Variants in MORF4L2 observed in about 807,000 individuals in gnomAD.
MORF4L2 encodes mortality factor 4 like 2, also known as mortality factor 4-like protein 2.
MORF4L2 carries 1 observed loss-of-function variant against 12.0 expected under a neutral mutation model. That is an observed-to-expected ratio of 0.08 (90% CI 0.03 to 0.40). MORF4L2 has a LOEUF of 0.40. MORF4L2 is among the 10% of genes least tolerant of loss of function. The pLI, the probability that MORF4L2 is intolerant of heterozygous loss-of-function variation, is 0.98. For synonymous variants in MORF4L2, 69 were observed against 81.6 expected (o/e 0.85, Z 0.83); for missense variants, 123 against 214.0 (o/e 0.57, Z 2.65).
rs868754778 is a variant in MORF4L2 at position 103,676,040 on chromosome X, C to G, written c.*121G>C. Reference sequence around the variant, plus strand: ...TGTTTAAAACAGAACGGAAAACAAACTGAAACATAAGCCCTGTTATACATT... The same window carrying G: ...TGTTTAAAACAGAACGGAAAACAAAGTGAAACATAAGCCCTGTTATACATT... On this transcript the variant is annotated 3_prime_UTR_variant, in exon 4 of 4. Coordinates refer to ENST00000441076, the MANE Select transcript of MORF4L2 (RefSeq NM_012286.3). 7.9e-6 allele frequency: 6 copies of G among 761,597 alleles called. No homozygotes were observed. The African/African-American group carries it at 1.1e-4, about 14-fold the overall frequency. 62.8% of individuals were successfully genotyped at this position (761,597 alleles called of 1,213,427 possible). A position where few individuals can be genotyped will look rare whatever the true frequency, so the allele number is the denominator to read the frequency against.
intron 2 of MORF4L2, among the ~76,000 whole-genome samples, chrX:103,684,494 T>C (rs1276552434): frequency 2.7e-5 from 3 of 112,226 alleles, no homozygotes; most frequent in Non-Finnish European, 5.6e-5. Context: ...CGGAATTCAG[T>C]TCTAGTGGTA....
In MORF4L2 at chrX:103,676,029, C is replaced by T. The variant is rs1359624387; in HGVS notation, c.*132G>A. 12 of 709,703 alleles carry T rather than the reference C, an allele frequency of 1.7e-5. No homozygotes were observed. The highest frequency in any genetic ancestry group is 1.1e-4 in the Admixed American group (3 of 28,120). 58.5% of individuals were successfully genotyped at this position (709,703 alleles called of 1,213,427 possible). ...CTTTTATTTTCTGTTTAAAACAGAA[C>T]GGAAAACAAACTGAAACATAAGCCC... On this transcript the variant is annotated 3_prime_UTR_variant, in exon 4 of 4. Transcript: ENST00000441076.
chrX:103,686,120 G>GCC (rs2074098113), intron 1 of MORF4L2, among the ~76,000 whole-genome samples: 1 of 67,938 alleles, frequency 1.5e-5, no homozygotes, highest in Admixed American at 2.2e-4. Flanking sequence ...TTTCTTTCTT[G>GCC]CACTCCCCCC....
chrX:103,675,533 T>C lies in MORF4L2; in HGVS notation c.*628A>G. The stretch of plus-strand genomic sequence containing the variant: ...ATTTAGAAACAAATTTTATTTAAGA[T>C]CTGAAATACAATTCCTAAAATATCA... On this transcript the variant is annotated 3_prime_UTR_variant, in exon 4 of 4. Transcript: ENST00000441076. 1 of 113,069 alleles carries C rather than the reference T, an allele frequency of 8.8e-6. No individual in the cohort carries two copies. Among genetic ancestry groups the C allele is most frequent in the East Asian group, 2.8e-4 (1 of 3,602 alleles). The allele number at this position is 113,069 out of a possible 1,213,427, so 9.3% of individuals were successfully genotyped here. A position where few individuals can be genotyped will look rare whatever the true frequency, so the allele number is the denominator to read the frequency against.
At position 103,676,023 on chromosome X, in the gene MORF4L2, A is replaced by G; in HGVS notation, c.*138T>C. ...ACACTCCTTTTATTTTCTGTTTAAA[A>G]CAGAACGGAAAACAAACTGAAACAT... On this transcript the variant is annotated 3_prime_UTR_variant, in exon 4 of 4. Transcript: ENST00000441076. The G allele has an allele frequency of 1.5e-6, 1 of 684,835 alleles. No homozygotes were observed. Among genetic ancestry groups the G allele is most frequent in the Non-Finnish European group, 2.2e-6 (1 of 463,664 alleles). The allele number at this position is 684,835 out of a possible 1,213,427, so 56.4% of individuals were successfully genotyped here. A position where few individuals can be genotyped will look rare whatever the true frequency, so the allele number is the denominator to read the frequency against.
At chrX:103,681,743 A>T (rs989631375) in intron 2 of MORF4L2, among the ~76,000 whole-genome samples, 5 of 111,075 alleles carry the variant, frequency 4.5e-5, no homozygotes, top group Non-Finnish European at 7.5e-5. Flanking sequence ...CATTTAAAAA[A>T]TTTTTTTTCC....
chrX:103,683,265 G>A (rs894484533), intron 2 of MORF4L2, among the ~76,000 whole-genome samples: 12 of 110,242 alleles, frequency 1.1e-4, no homozygotes, highest in Non-Finnish European at 2.3e-4. Context: ...CACCATCTTG[G>A]CCAGGCTGGT....
chrX:103,676,600 T>A lies in MORF4L2; in HGVS notation c.428A>T (p.Gln143Leu). The A allele has an allele frequency of 8.3e-7, 1 of 1,211,323 alleles. No homozygotes were observed. The highest frequency in any genetic ancestry group is 1.1e-6 in the Non-Finnish European group (1 of 895,300). ...LVEDWDLVTRQKQLFQLPAKK... is the reference protein window; with the variant it reads ...LVEDWDLVTRLKQLFQLPAKK... ...GGCAGGGAGTTGAAACAGCTGCTTC[T>A]GCCTGGTAACTAAGTCCCAGTCCTC... Residue 143 changes from glutamine to leucine, a missense_variant, in exon 4 of 4, where the codon CAG becomes CTG. Coordinates refer to ENST00000441076, the MANE Select transcript of MORF4L2 (RefSeq NM_012286.3).
At chrX:103,681,450 C>A (rs1020734106) in intron 2 of MORF4L2, among the ~76,000 whole-genome samples, 1 of 111,820 alleles carries the variant, frequency 8.9e-6, no homozygotes, top group Non-Finnish European at 1.9e-5. Context: ...AATGAGCATA[C>A]CTTAATTTAC....
intron 2 of MORF4L2, among the ~76,000 whole-genome samples, chrX:103,679,409 C>T (rs2073928068): frequency 9.4e-6 from 1 of 105,831 alleles, no homozygotes; most frequent in African/African-American, 3.5e-5. Context: ...GTCTCAGCTA[C>T]TCAGGAGACT....
chrX:103,677,578 A>G lies in MORF4L2; in HGVS notation c.-24-527T>C, dbSNP rs763474184. On this transcript the variant is annotated intron_variant, in intron 3 of 3. Transcript: ENST00000441076. ...TAACCAAAGGAGGGAGGAATCTGCA[A>G]TTTCAAGCCTGGGTAATTAATGAAC... Among the ~76,000 whole-genome samples, 3 of 112,259 alleles carry G rather than the reference A, an allele frequency of 2.7e-5. No individual in the cohort carries two copies. The South Asian group carries it at 1.1e-3, about 41-fold the overall frequency.
chrX:103,684,485 G>A (rs145335244), intron 2 of MORF4L2, among the ~76,000 whole-genome samples: 13 of 111,771 alleles, frequency 1.2e-4, no homozygotes, highest in African/African-American at 3.9e-4. Context: ...TCATAATTTC[G>A]GAATTCAGTT....
At chrX:103,684,101 T>A (rs1227998166) in intron 2 of MORF4L2, among the ~76,000 whole-genome samples, 1 of 112,229 alleles carries the variant, frequency 8.9e-6, no homozygotes, top group African/African-American at 3.2e-5. Flanking sequence ...ACACAAGCAA[T>A]GGGCCATTTG....
In MORF4L2 at chrX:103,676,415, G is replaced by A. The variant is rs2073847966; in HGVS notation, c.613C>T (p.Pro205Ser). 1 of 1,211,693 alleles carries A rather than the reference G, an allele frequency of 8.3e-7. No homozygotes were observed. ...GCCAAGAGGATTTCAGCATACTGGG[G>A]CCTCTCAAATTTGTAGAGCAGCTGA... is the stretch of plus-strand genomic sequence containing the variant. ...GTQLLYKFER[P>S]QYAEILLAHP... The change falls in exon 4 of 4, where the codon CCC becomes TCC. Residue 205 changes from proline (P) to serine (S), a missense_variant. Pro to Ser is a moderately conservative substitution (Grantham distance 74). Coordinates refer to ENST00000441076, the MANE Select transcript of MORF4L2 (RefSeq NM_012286.3).
intron 1 of MORF4L2, among the ~76,000 whole-genome samples, chrX:103,685,739 A>C (rs2074086373): frequency 9.0e-6 from 1 of 110,730 alleles, no homozygotes; most frequent in South Asian, 3.8e-4. Flanking sequence ...TCAGCAAAAA[A>C]ATATTATTAA....
At position 103,675,521 on chromosome X, in the gene MORF4L2, T is replaced by A. The variant is rs2073830802; in HGVS notation, c.*640A>T. On this transcript the variant is annotated 3_prime_UTR_variant, in exon 4 of 4. Coordinates refer to ENST00000441076, the MANE Select transcript of MORF4L2 (RefSeq NM_012286.3). The stretch of plus-strand genomic sequence containing the variant: ...ACTTGCTTTGAAATTTAGAAACAAA[T>A]TTTATTTAAGATCTGAAATACAATT... 8.8e-6 allele frequency: 1 copy of A among 113,169 alleles called. No individual in the cohort carries two copies. Among genetic ancestry groups the A allele is most frequent in the Non-Finnish European group, 1.9e-5 (1 of 53,414 alleles). The allele number at this position is 113,169 out of a possible 1,213,427, so 9.3% of individuals were successfully genotyped here.
intron 2 of MORF4L2, among the ~76,000 whole-genome samples, chrX:103,684,056 G>C (rs901895731): frequency 8.9e-6 from 1 of 112,210 alleles, no homozygotes; most frequent in East Asian, 2.8e-4. Flanking sequence ...GCTGTCAAAA[G>C]GCTGAAAAAC....
At chrX:103,681,372 C>T (rs1379181466) in intron 2 of MORF4L2, among the ~76,000 whole-genome samples, 1 of 111,512 alleles carries the variant, frequency 9.0e-6, no homozygotes, top group Non-Finnish European at 1.9e-5. Flanking sequence ...ACTATGATAA[C>T]CAATAATCTT....
intron 3 of MORF4L2, among the ~76,000 whole-genome samples, chrX:103,677,954 C>T (rs1404317569): frequency 9.0e-6 from 1 of 110,764 alleles, no homozygotes; most frequent in Non-Finnish European, 1.9e-5. Context: ...TTAGTATTAT[C>T]ACCAAATGAT....
Sources: allele counts gnomAD v4.1 joint callset (sites outside exome capture counted in the v4.1 genomes callset), GRCh38; gene constraint gnomAD v4.1.1; transcripts MANE v1.5; gene names NCBI Gene and HGNC (gene_info 2026-07-23, HGNC 2026-07-21).